The following CCDC191 variants were observed in gnomAD, a reference collection of about 807,000 sequenced individuals.
CCDC191 encodes the protein coiled-coil domain containing 191, also known as coiled-coil domain-containing protein 191.
CCDC191 carries 99 observed loss-of-function variants against 114.0 expected under a neutral mutation model. The ratio of observed to expected loss-of-function variants is 0.87; its 90% confidence interval spans 0.74 to 1.03. The LOEUF (loss-of-function observed/expected upper bound fraction) is 1.03, where lower values mean the gene tolerates loss of function less well. Ranked by LOEUF, CCDC191 falls within the 50% of genes least tolerant of loss-of-function variation. The probability of loss-of-function intolerance (pLI) is 0.00; values close to 1 mark genes in which losing one functional copy is unlikely to be tolerated. For synonymous variants in CCDC191, 351 were observed against 376.0 expected (o/e 0.93, Z 0.77); for missense variants, 973 against 1,087.0 (o/e 0.90, Z 1.47).
intron 13 of CCDC191, among the ~76,000 whole-genome samples, chr3:113,994,247 C>T (rs1444576442): frequency 2.0e-5 from 3 of 152,152 alleles, no homozygotes; most frequent in Non-Finnish European, 4.4e-5. Context: ...ACAGATACTT[C>T]ATCATAGAAG....
At chr3:113,986,453 A>T (rs572899222) in intron 13 of CCDC191, among the ~76,000 whole-genome samples, 1 of 152,344 alleles carries the variant, frequency 6.6e-6, no homozygotes, top group South Asian at 2.1e-4. Flanking sequence ...CAAAACACAA[A>T]ATCATATATC....
chr3:114,036,605 C>A lies in CCDC191; in HGVS notation c.594+3G>T. ...CCATTTTAATTTTGTTTTTCCCTCC[C>A]ACCTGCTTATGTCTCATCTCCATGG... On this transcript the variant is annotated splice_donor_region_variant and intron_variant, in intron 5 of 16. Coordinates refer to ENST00000295878, the MANE Select transcript of CCDC191 (RefSeq NM_020817.2). 1 of 1,574,928 alleles carries A rather than the reference C, an allele frequency of 6.3e-7. No homozygotes were observed.
At chr3:114,040,866 T>C (rs1016921901) in intron 4 of CCDC191, among the ~76,000 whole-genome samples, 1 of 152,162 alleles carries the variant, frequency 6.6e-6, no homozygotes, top group African/African-American at 2.4e-5. Flanking sequence ...AGTTGAAGAA[T>C]TTCTCTTGCA....
chr3:114,003,828 A>G (rs2075897735), intron 11 of CCDC191: 1 of 985,328 alleles, frequency 1.0e-6, no homozygotes, highest in Non-Finnish European at 1.2e-6. Flanking sequence ...TAAAAAATCA[A>G]ATTTACAAAC....
chr3:114,029,334 A>G lies in CCDC191; in HGVS notation c.972+2292T>C, dbSNP rs79920318. Among the ~76,000 whole-genome samples the G allele has an allele frequency of 1.1e-3, 164 of 152,346 alleles. 2 individuals are homozygous for G. Among genetic ancestry groups the G allele is most frequent in the Non-Finnish European group, 2.0e-3 (139 of 68,024 alleles). On this transcript the variant is annotated intron_variant, in intron 7 of 16. Transcript: ENST00000295878. ...GATTATGACCCATAGAATAAAATAA[A>G]TATCAATGAGCTCATACTGAATAAA... is the stretch of plus-strand genomic sequence containing the variant.
intron 15 of CCDC191, 40 bp downstream of exon 15, chr3:113,978,818 C>G (rs201239950): frequency 6.3e-7 from 1 of 1,584,530 alleles, no homozygotes; most frequent in Non-Finnish European, 8.6e-7. Flanking sequence ...TAGAATTGAG[C>G]AATGAGATGT....
intron 9 of CCDC191, among the ~76,000 whole-genome samples, chr3:114,009,178 T>C (rs2107676920): frequency 6.6e-6 from 1 of 152,296 alleles, no homozygotes; most frequent in East Asian, 1.9e-4. Context: ...TGTGAAGGCC[T>C]AGGACATTAT....
chr3:113,980,652 G>A lies in CCDC191; in HGVS notation c.2305C>T (p.Gln769Ter). Residue 769 changes from glutamine (Q) to a stop codon, truncating the protein, a stop_gained and splice_region_variant, in exon 14 of 17, where the codon CAG becomes TAG. Transcript: ENST00000295878. LOFTEE classifies it high-confidence loss of function. ...GGGATAACAGTGGGACAGTGTACCT[G>A]GATGTTTTGTTTGCTTTGCATTCTC... ...RLRMQSKQNI[Q>*]VAEEHYSLFL... 2 of 1,588,676 alleles carry A rather than the reference G, an allele frequency of 1.3e-6. No individual in the cohort carries two copies. Among genetic ancestry groups the A allele is most frequent in the Non-Finnish European group, 1.7e-6 (2 of 1,173,106 alleles).
At chr3:114,024,792 T>C (rs1466155073) in intron 7 of CCDC191, among the ~76,000 whole-genome samples, 1 of 152,154 alleles carries the variant, frequency 6.6e-6, no homozygotes, top group Non-Finnish European at 1.5e-5. Context: ...ATGGCACATA[T>C]ATACACAGGT....
At chr3:114,012,099 A>G (rs1169541512) in intron 8 of CCDC191, among the ~76,000 whole-genome samples, 2 of 152,208 alleles carry the variant, frequency 1.3e-5, no homozygotes, top group Non-Finnish European at 2.9e-5. Flanking sequence ...AGCAAATCAT[A>G]AAGTTCTTAA....
intron 13 of CCDC191, among the ~76,000 whole-genome samples, chr3:113,994,996 A>G (rs2075681229): frequency 6.6e-6 from 1 of 152,230 alleles, no homozygotes; most frequent in Non-Finnish European, 1.5e-5. Context: ...GCATATGCAG[A>G]TGAAGTTCTA....
At chr3:114,002,717 G>T in intron 11 of CCDC191, 179 bp from the exon 12 acceptor site, 1 of 915,220 alleles carries the variant, frequency 1.1e-6, no homozygotes, top group Non-Finnish European at 1.3e-6. Flanking sequence ...ATACTCTACA[G>T]GTTAAAGACC....
At chr3:113,998,554 A>C (rs967261274) in intron 13 of CCDC191, among the ~76,000 whole-genome samples, 1 of 152,146 alleles carries the variant, frequency 6.6e-6, no homozygotes, top group African/African-American at 2.4e-5. Context: ...GAGGTTATGC[A>C]TGGGCTCAGC....
intron 13 of CCDC191, among the ~76,000 whole-genome samples, chr3:113,986,553 C>G (rs771874805): frequency 2.6e-5 from 4 of 152,056 alleles, no homozygotes; most frequent in Non-Finnish European, 5.9e-5. Flanking sequence ...AAATCAAAGA[C>G]AAAGAAAAAG....
intron 16 of CCDC191, among the ~76,000 whole-genome samples, chr3:113,975,540 T>C (rs551069960): frequency 6.6e-6 from 1 of 152,386 alleles, no homozygotes; most frequent in South Asian, 2.1e-4. Context: ...CGCTGTCATA[T>C]ACTGAGAACA....
intron 7 of CCDC191, among the ~76,000 whole-genome samples, chr3:114,027,943 C>G (rs1319152533): frequency 6.6e-6 from 1 of 152,158 alleles, no homozygotes; most frequent in African/African-American, 2.4e-5. Context: ...AGATAATGAG[C>G]CCAGAAGGCT....
chr3:114,017,522 A>G (rs775595113), intron 8 of CCDC191, among the ~76,000 whole-genome samples: 2 of 152,230 alleles, frequency 1.3e-5, no homozygotes, highest in Non-Finnish European at 2.9e-5. Flanking sequence ...ATGCTATCAC[A>G]GGATTGCACA....
rs2076615523 is a variant in CCDC191, at chr3:114,045,379, G to A, written c.271+1212C>T. ...TCTTCCTATATTTAATTTATTATTTGTTTATTTATTGAGATGGAGTCTCGC... is the reference window on the plus strand; with the variant it reads ...TCTTCCTATATTTAATTTATTATTTATTTATTTATTGAGATGGAGTCTCGC... On this transcript the variant is annotated intron_variant, in intron 3 of 16. Transcript: ENST00000295878. Among the ~76,000 whole-genome samples the A allele has an allele frequency of 2.0e-5, 3 of 151,778 alleles. No individual in the cohort carries two copies. The South Asian group carries it at 6.3e-4, about 32-fold the overall frequency.
chr3:114,048,821 AAGG>A (rs1279193791), intron 2 of CCDC191, among the ~76,000 whole-genome samples: 1 of 152,210 alleles, frequency 6.6e-6, no homozygotes, highest in Non-Finnish European at 1.5e-5. Context: ...TCTTCTTCTC[AAGG>A]AGAACCTGGC....
Sources: allele counts gnomAD v4.1 joint callset (sites outside exome capture counted in the v4.1 genomes callset), GRCh38; gene constraint gnomAD v4.1.1; transcripts MANE v1.5; gene names NCBI Gene and HGNC (gene_info 2026-07-23, HGNC 2026-07-21).